Variants in USP13 observed in about 807,000 individuals in gnomAD.
USP13 encodes ubiquitin specific peptidase 13.
A neutral mutation model predicts 107.8 loss-of-function variants in USP13; 68 were observed. That is an observed-to-expected ratio of 0.63 (90% CI 0.52 to 0.77). The LOEUF is 0.77. Ranked by LOEUF, USP13 falls within the 30% of genes least tolerant of loss-of-function variation. The pLI is 0.00. For missense variants in USP13, 945 were observed against 1,093.3 expected, an observed-to-expected ratio of 0.86 and a Z score of 1.91; for synonymous variants, 377 against 389.5, an observed-to-expected ratio of 0.97 and a Z score of 0.38.
chr3:179,655,629 A>G (rs960274027), intron 1 of USP13, among the ~76,000 whole-genome samples: 1 of 147,846 alleles, frequency 6.8e-6, no homozygotes, highest in African/African-American at 2.5e-5. Flanking sequence ...ATCTCAGCTC[A>G]CTGCAACCTC....
rs762749034 is a variant in USP13 at position 179,653,375 on chromosome 3, C to A, written c.150C>A (p.Ala50=). ...SGDRVYKNEC[A]FSYDSPNSEG... The stretch of plus-strand genomic sequence containing the variant: ...ACAGGGTCTACAAGAACGAGTGCGC[C>A]TTCTCCTACGACTCTCCCGTAAGTG... The change falls in exon 1 of 21, where the codon GCC becomes GCA. Residue 50 remains alanine, a synonymous_variant. Coordinates refer to ENST00000263966, the MANE Select transcript of USP13 (RefSeq NM_003940.3). The surrounding 1 kb of genome is among the most constrained non-coding windows in gnomAD (Gnocchi z 4.0). The A allele has an allele frequency of 3.8e-6, 6 of 1,566,402 alleles. No individual in the cohort carries two copies. The South Asian group carries it at 4.7e-5, about 12-fold the overall frequency.
At chr3:179,719,526 C>T (rs1460526217) in intron 6 of USP13, among the ~76,000 whole-genome samples, 8 of 152,276 alleles carry the variant, frequency 5.3e-5, no homozygotes, top group African/African-American at 9.6e-5. Context: ...TCTGTTCCCC[C>T]GGAGGTCCCC....
chr3:179,691,505 A>G (rs187793322), intron 3 of USP13, among the ~76,000 whole-genome samples: 11 of 152,328 alleles, frequency 7.2e-5, no homozygotes, highest in Non-Finnish European at 1.5e-4. Context: ...AGAATCCTAC[A>G]GAGATAGTGT....
intron 1 of USP13, among the ~76,000 whole-genome samples, chr3:179,676,371 C>G (rs1381404777): frequency 6.6e-6 from 1 of 152,106 alleles, no homozygotes; most frequent in Non-Finnish European, 1.5e-5. Context: ...CCCTTTTGTC[C>G]ACATGGAGGC....
intron 1 of USP13, among the ~76,000 whole-genome samples, chr3:179,660,287 C>G (rs1474086658): frequency 6.6e-6 from 1 of 152,206 alleles, no homozygotes; most frequent in Non-Finnish European, 1.5e-5. Flanking sequence ...CCCCACTTCT[C>G]CCTTCTCCTA....
At chr3:179,661,780 T>C in intron 1 of USP13, among the ~76,000 whole-genome samples, 1 of 152,186 alleles carries the variant, frequency 6.6e-6, no homozygotes, top group Admixed American at 6.5e-5. Context: ...GGACATTGCA[T>C]TTCCCAGAGT....
intron 19 of USP13, among the ~76,000 whole-genome samples, chr3:179,781,238 G>A (rs921934940): frequency 6.6e-6 from 1 of 152,134 alleles, no homozygotes; most frequent in Non-Finnish European, 1.5e-5. Flanking sequence ...TTCTACAAAT[G>A]ATAACAGTTA....
chr3:179,737,990 T>C (rs1046363370), intron 10 of USP13, among the ~76,000 whole-genome samples: 6 of 152,224 alleles, frequency 3.9e-5, no homozygotes, highest in Non-Finnish European at 7.3e-5. Context: ...ATGTTATATA[T>C]GGAGCTGCCT....
At chr3:179,683,984 C>T (rs1324826989) in intron 2 of USP13, among the ~76,000 whole-genome samples, 4 of 151,932 alleles carry the variant, frequency 2.6e-5, no homozygotes, top group Non-Finnish European at 5.9e-5. Context: ...TTTTTTGAGA[C>T]GGAGTCTCTC....
chr3:179,733,771 C>T (rs1418669204), intron 10 of USP13, among the ~76,000 whole-genome samples: 1 of 152,216 alleles, frequency 6.6e-6, no homozygotes, highest in Non-Finnish European at 1.5e-5. Context: ...GTCTTAATAA[C>T]TAGCATCACA....
In USP13 at chr3:179,742,325, G is replaced by T; in HGVS notation, c.1509G>T (p.Val503=). The stretch of plus-strand genomic sequence containing the variant: ...TGGATTACCTGATGCAGTTACCTGT[G>T]GCCATGGAGGCGGCAACCAACAAGG... ...ERVDYLMQLP[V]AMEAATNKDE... Residue 503 remains valine, a synonymous_variant, in exon 12 of 21, where the codon GTG becomes GTT. Coordinates refer to ENST00000263966, the MANE Select transcript of USP13 (RefSeq NM_003940.3). The surrounding 1 kb of genome is among the most constrained non-coding windows in gnomAD (Gnocchi z 5.0). The T allele has an allele frequency of 6.2e-7, 1 of 1,614,218 alleles. No individual in the cohort carries two copies. Among genetic ancestry groups the T allele is most frequent in the South Asian group, 1.1e-5 (1 of 91,084 alleles).
intron 15 of USP13, 72 bp from the exon 16 acceptor site, chr3:179,756,980 A>G (rs1714828447): frequency 4.5e-6 from 7 of 1,550,352 alleles, no homozygotes; most frequent in Non-Finnish European, 6.2e-6. Context: ...CCCTGGATCA[A>G]TGGGTTTTCT....
chr3:179,742,311 A>T lies in USP13; in HGVS notation c.1495A>T (p.Met499Leu). 1 of 1,614,196 alleles carries T rather than the reference A, an allele frequency of 6.2e-7. No homozygotes were observed. Among genetic ancestry groups the T allele is most frequent in the African/African-American group, 1.3e-5 (1 of 75,054 alleles). Residue 499 changes from methionine (M) to leucine (L), a missense_variant, in exon 12 of 21, where the codon ATG (methionine) becomes TTG (leucine). Transcript: ENST00000263966. This position sits in a 1 kb window ranked among gnomAD's most constrained non-coding sequence, Gnocchi z 5.0. Reference sequence around the variant, plus strand: ...CTACACGGAGAGGGTGGATTACCTGATGCAGTTACCTGTGGCCATGGAGGC... The same window carrying T: ...CTACACGGAGAGGGTGGATTACCTGTTGCAGTTACCTGTGGCCATGGAGGC... ...VRYTERVDYL[M>L]QLPVAMEAAT... is the part of the protein sequence containing the mutation.
rs562668674 is a variant in USP13 at position 179,686,695 on chromosome 3, A to G, written c.295-3546A>G. Among the ~76,000 whole-genome samples the G allele has an allele frequency of 5.9e-5, 9 of 152,368 alleles. No individual in the cohort carries two copies. The South Asian group carries it at 1.9e-3, about 32-fold the overall frequency. On this transcript the variant is annotated intron_variant, in intron 2 of 20. Coordinates refer to ENST00000263966, the MANE Select transcript of USP13 (RefSeq NM_003940.3). ...ACTTTTCTGATCTGGTCTGTACTAC[A>G]TCTGCCACTAAGACTCAACATTGCA...
chr3:179,677,337 C>G (rs1014956606), intron 1 of USP13, among the ~76,000 whole-genome samples: 1 of 151,710 alleles, frequency 6.6e-6, no homozygotes, highest in Non-Finnish European at 1.5e-5. Context: ...AATCCCAGCA[C>G]TTTGGGAGGC....
At chr3:179,670,562 C>T (rs2108442949) in intron 1 of USP13, among the ~76,000 whole-genome samples, 1 of 152,284 alleles carries the variant, frequency 6.6e-6, no homozygotes, top group East Asian at 1.9e-4. Context: ...ATTTGCCTCC[C>T]TGAGGTTACA....
intron 19 of USP13, 128 bp downstream of exon 19, chr3:179,765,976 CG>C: frequency 2.3e-6 from 2 of 888,108 alleles, no homozygotes; most frequent in East Asian, 3.1e-5. Context: ...CCATCTTCTT[CG>C]TTTTTTTTTT....
chr3:179,752,928 A>T, intron 14 of USP13, among the ~76,000 whole-genome samples: 1 of 152,206 alleles, frequency 6.6e-6, no homozygotes, highest in Non-Finnish European at 1.5e-5. Flanking sequence ...AAACAAAAGG[A>T]TGTGATTTTG....
At chr3:179,763,964 AAAAAAGG>A in intron 17 of USP13, 31 bp from the exon 18 acceptor site, 1 of 1,540,182 alleles carries the variant, frequency 6.5e-7, no homozygotes, top group Non-Finnish European at 8.7e-7. Flanking sequence ...AAAAAAAAAA[AAAAAAGG>A]AAAAGACTTG....
Sources: allele counts gnomAD v4.1 joint callset (sites outside exome capture counted in the v4.1 genomes callset), GRCh38; gene constraint gnomAD v4.1.1; non-coding constraint Gnocchi (gnomAD v3.1); transcripts MANE v1.5; gene names NCBI Gene and HGNC (gene_info 2026-07-23, HGNC 2026-07-21).